The following PPP3CA variants were observed in gnomAD, a reference collection of about 807,000 sequenced individuals.
PPP3CA encodes the protein protein phosphatase 3 catalytic subunit alpha.
In PPP3CA, 14 loss-of-function variants were observed where a neutral mutation model predicts 66.5. The observed-to-expected ratio is 0.21, with a 90% CI of 0.14 to 0.33. The LOEUF (loss-of-function observed/expected upper bound fraction) is 0.33, where lower values mean the gene tolerates loss of function less well. Among genes scored for constraint, PPP3CA ranks in the 10% least tolerant of loss-of-function variants. The pLI, the probability that PPP3CA is intolerant of heterozygous loss-of-function variation, is 1.00. For synonymous variants in PPP3CA, 232 were observed against 226.2 expected (o/e 1.03, Z -0.23); for missense variants, 317 against 639.5 (o/e 0.50, Z 5.44).
chr4:101,069,361 GC>G (rs1728814849), intron 8 of PPP3CA, among the ~76,000 whole-genome samples: 1 of 151,992 alleles, frequency 6.6e-6, no homozygotes, highest in South Asian at 2.1e-4. Flanking sequence ...TCTAGCCCTT[GC>G]CCCACTCCTC....
chr4:101,044,367 T>C (rs915405839), intron 10 of PPP3CA, among the ~76,000 whole-genome samples: 2 of 152,324 alleles, frequency 1.3e-5, no homozygotes, highest in African/African-American at 4.8e-5. Flanking sequence ...GCAAAGATAA[T>C]GTCATATTAA....
intron 8 of PPP3CA, among the ~76,000 whole-genome samples, chr4:101,073,426 GCCA>G (rs1234972438): frequency 6.6e-6 from 1 of 151,744 alleles, no homozygotes; most frequent in Non-Finnish European, 1.5e-5. Context: ...ACAGGTGCGG[GCCA>G]CCACACCTGG....
chr4:101,089,955 A>G (rs1729839386), intron 6 of PPP3CA, among the ~76,000 whole-genome samples: 2 of 152,232 alleles, frequency 1.3e-5, no homozygotes, highest in Admixed American at 1.3e-4. Context: ...AACATGTTAG[A>G]TAGTGGATAG....
At chr4:101,256,362 T>C (rs530448412) in intron 1 of PPP3CA, among the ~76,000 whole-genome samples, 4 of 152,134 alleles carry the variant, frequency 2.6e-5, no homozygotes, top group South Asian at 2.1e-4. Flanking sequence ...TTGTTCATTC[T>C]GGCAAATCAT....
chr4:101,156,087 C>T (rs1382798666), intron 2 of PPP3CA, among the ~76,000 whole-genome samples: 1 of 152,142 alleles, frequency 6.6e-6, no homozygotes, highest in Non-Finnish European at 1.5e-5. Context: ...ATTCCTAGTA[C>T]CTGCTCTATG....
chr4:101,284,651 C>T (rs1208492234), intron 1 of PPP3CA, among the ~76,000 whole-genome samples: 2 of 151,988 alleles, frequency 1.3e-5, no homozygotes, highest in African/African-American at 2.4e-5. Context: ...TACTCCCCAC[C>T]CCCATGTCTT....
At chr4:101,251,685 C>T (rs1234289481) in intron 1 of PPP3CA, among the ~76,000 whole-genome samples, 3 of 152,000 alleles carry the variant, frequency 2.0e-5, no homozygotes, top group African/African-American at 7.2e-5. Flanking sequence ...TGTATACTAA[C>T]CAATTACAAC....
chr4:101,033,690 A>G (rs1214903794), intron 11 of PPP3CA, among the ~76,000 whole-genome samples: 3 of 152,126 alleles, frequency 2.0e-5, no homozygotes, highest in Non-Finnish European at 2.9e-5. Context: ...AATGGTCTTG[A>G]ATATATTCAC....
chr4:101,044,170 T>A (rs1727660705), intron 10 of PPP3CA, among the ~76,000 whole-genome samples: 1 of 152,180 alleles, frequency 6.6e-6, no homozygotes. Context: ...CAGGAGAGAA[T>A]TAAGTTCAGA....
intron 2 of PPP3CA, among the ~76,000 whole-genome samples, chr4:101,191,611 C>T (rs1724604622): frequency 6.6e-6 from 1 of 152,140 alleles, no homozygotes; most frequent in African/African-American, 2.4e-5. Context: ...TAAACTAAGG[C>T]CACATTGCTT....
intron 2 of PPP3CA, among the ~76,000 whole-genome samples, chr4:101,124,735 GAA>G (rs372087598): frequency 2.6e-3 from 180 of 68,298 alleles, no homozygotes; most frequent in African/African-American, 5.6e-3. Flanking sequence ...GAGAAAGAAA[GAA>G]AGAAAGAAAG....
At chr4:101,297,956 C>T (rs1728247601) in intron 1 of PPP3CA, among the ~76,000 whole-genome samples, 2 of 151,968 alleles carry the variant, frequency 1.3e-5, no homozygotes, top group Admixed American at 6.6e-5. Flanking sequence ...ATTATTGATG[C>T]AAAGAAATAG....
intron 2 of PPP3CA, among the ~76,000 whole-genome samples, chr4:101,116,558 G>A (rs1219407840): frequency 1.3e-5 from 2 of 151,752 alleles, no homozygotes; most frequent in East Asian, 3.9e-4. Context: ...CAGGGTTATG[G>A]AACCATAAGT....
chr4:101,281,270 T>C (rs1012675493), intron 1 of PPP3CA, among the ~76,000 whole-genome samples: 1 of 152,162 alleles, frequency 6.6e-6, no homozygotes, highest in African/African-American at 2.4e-5. Flanking sequence ...TTGGAGAGTT[T>C]TGCTCTGAAG....
intron 1 of PPP3CA, among the ~76,000 whole-genome samples, chr4:101,325,716 T>C (rs1452176902): frequency 6.6e-6 from 1 of 151,998 alleles, no homozygotes; most frequent in African/African-American, 2.4e-5. Flanking sequence ...GTAGAAAAAA[T>C]ATGGCTTCTA....
At chr4:101,044,032 A>G (rs1238417386) in intron 10 of PPP3CA, among the ~76,000 whole-genome samples, 1 of 152,238 alleles carries the variant, frequency 6.6e-6, no homozygotes, top group Non-Finnish European at 1.5e-5. Context: ...AAGTACCTTC[A>G]ATCTTTTCCA....
At chr4:101,124,726 AGAAAG>A (rs1560614453) in intron 2 of PPP3CA, among the ~76,000 whole-genome samples, 116 of 45,678 alleles carry the variant, frequency 2.5e-3, no homozygotes, top group Non-Finnish European at 4.1e-3. Flanking sequence ...AGAAAGAAAG[AGAAAG>A]AAAGAAAGAA....
chr4:101,104,650 AT>A (rs765350930), intron 3 of PPP3CA, among the ~76,000 whole-genome samples: 4 of 152,200 alleles, frequency 2.6e-5, no homozygotes, highest in Non-Finnish European at 5.9e-5. Context: ...AAATGAGGTC[AT>A]TCAAACTATT....
intron 2 of PPP3CA, among the ~76,000 whole-genome samples, chr4:101,115,730 T>C (rs1721818735): frequency 6.6e-6 from 1 of 151,894 alleles, no homozygotes; most frequent in African/African-American, 2.4e-5. Flanking sequence ...CATTTTCACA[T>C]AAAATTACTC....
Sources: gnomAD v4.1 joint callset for allele counts (sites outside exome capture counted in the v4.1 genomes callset) on GRCh38, gnomAD v4.1.1 for gene constraint, MANE v1.5 for transcripts, NCBI Gene and HGNC (gene_info 2026-07-23, HGNC 2026-07-21) for gene names.